Variants in MKLN1 observed in about 807,000 individuals in gnomAD.
MKLN1 encodes muskelin.
MKLN1 carries 18 observed loss-of-function variants against 99.0 expected under a neutral mutation model. The observed-to-expected ratio is 0.18, with a 90% CI of 0.13 to 0.27. MKLN1 has a LOEUF of 0.27. MKLN1 is among the 10% of genes least tolerant of loss of function. The pLI is 1.00. For synonymous variants in MKLN1, 288 were observed against 293.2 expected (o/e 0.98, Z 0.18); for missense variants, 621 against 875.9 (o/e 0.71, Z 3.67).
chr7:131,429,133 C>T lies in MKLN1; in HGVS notation c.948C>T (p.Asp316=). 2 of 1,610,762 alleles carry T rather than the reference C, an allele frequency of 1.2e-6. No individual in the cohort carries two copies. Among genetic ancestry groups the T allele is most frequent in the Non-Finnish European group, 1.7e-6 (2 of 1,177,748 alleles). ...ACCAGTGGACATGTATCTCTAGAGA[C>T]ACTGAAAAAGAGGCAAGTTCTCAGA... is the stretch of plus-strand genomic sequence containing the variant. ...KENQWTCISR[D]TEKENGPSAR... The change falls in exon 9 of 18, where the codon GAC becomes GAT. Residue 316 remains aspartate, a synonymous_variant. Coordinates refer to ENST00000352689, the MANE Select transcript of MKLN1 (RefSeq NM_013255.5).
At chr7:131,359,933 CAT>C (rs1342460868) in intron 1 of MKLN1, among the ~76,000 whole-genome samples, 4 of 151,812 alleles carry the variant, frequency 2.6e-5, no homozygotes, top group Non-Finnish European at 4.4e-5. Context: ...AAAATTAAAA[CAT>C]GTACTTTTTT....
At chr7:131,459,625 TATA>T (rs531461440) in intron 12 of MKLN1, among the ~76,000 whole-genome samples, 22 of 152,322 alleles carry the variant, frequency 1.4e-4, no homozygotes, top group Non-Finnish European at 2.5e-4. Context: ...TTCCTCTGTA[TATA>T]ATAATCTGCT....
At chr7:131,358,552 T>G (rs1799944025) in intron 1 of MKLN1, among the ~76,000 whole-genome samples, 2 of 152,204 alleles carry the variant, frequency 1.3e-5, no homozygotes. Flanking sequence ...GTAGAAAGCA[T>G]TAGGAAGTGT....
intron 2 of MKLN1, among the ~76,000 whole-genome samples, chr7:131,189,695 T>C (rs534608198): frequency 2.0e-5 from 3 of 152,308 alleles, no homozygotes; most frequent in Non-Finnish European, 4.4e-5. Flanking sequence ...ACCATACTTC[T>C]GTAGTAATAG....
At chr7:131,294,176 C>A (rs7808772) in intron 3 of MKLN1, among the ~76,000 whole-genome samples, 23,162 of 152,130 alleles carry the variant, frequency 0.15, 1,787 homozygotes, top group East Asian at 0.24. Context: ...AAATCTGAAT[C>A]TGAACTTAAA....
intron 3 of MKLN1, among the ~76,000 whole-genome samples, chr7:131,247,439 C>T (rs1333135210): frequency 2.0e-5 from 3 of 152,122 alleles, no homozygotes; most frequent in Admixed American, 2.0e-4. Flanking sequence ...TGGTCTCGAA[C>T]TCCTGACCTT....
chr7:131,354,788 A>G (rs1312546166), intron 1 of MKLN1, among the ~76,000 whole-genome samples: 2 of 152,138 alleles, frequency 1.3e-5, no homozygotes, highest in Non-Finnish European at 2.9e-5. Context: ...TGAGGCACAA[A>G]TCTAATTTTA....
At chr7:131,336,790 G>C (rs899797025) in intron 1 of MKLN1, among the ~76,000 whole-genome samples, 1 of 152,074 alleles carries the variant, frequency 6.6e-6, no homozygotes, top group Non-Finnish European at 1.5e-5. Context: ...TAAATCCAGA[G>C]ACTGTTGTTT....
At chr7:131,136,560 G>T (rs1467301848) in intron 1 of MKLN1, among the ~76,000 whole-genome samples, 2 of 152,114 alleles carry the variant, frequency 1.3e-5, no homozygotes, top group African/African-American at 4.8e-5. Context: ...AGCTTCAAAA[G>T]GCACTTTGGT....
At chr7:131,440,185 A>G (rs890040720) in intron 10 of MKLN1, among the ~76,000 whole-genome samples, 2 of 152,180 alleles carry the variant, frequency 1.3e-5, no homozygotes, top group African/African-American at 4.8e-5. Flanking sequence ...TCCAGAGGTG[A>G]TATGTGTCAG....
At chr7:131,342,068 T>C (rs1799423464) in intron 1 of MKLN1, among the ~76,000 whole-genome samples, 1 of 152,224 alleles carries the variant, frequency 6.6e-6, no homozygotes, top group African/African-American at 2.4e-5. Flanking sequence ...CATGGTTTCA[T>C]TTCTTGGGTA....
intron 12 of MKLN1, among the ~76,000 whole-genome samples, chr7:131,458,613 T>C (rs756323421): frequency 1.3e-5 from 2 of 152,182 alleles, no homozygotes; most frequent in Non-Finnish European, 2.9e-5. Flanking sequence ...TTTTCCTGTG[T>C]CATGTATCAG....
chr7:131,185,054 G>A (rs1297227139), intron 2 of MKLN1, among the ~76,000 whole-genome samples: 1 of 152,110 alleles, frequency 6.6e-6, no homozygotes, highest in African/African-American at 2.4e-5. Flanking sequence ...CATACCACCC[G>A]AGAGGAGGAG....
chr7:131,308,257 C>A (rs556250951), intron 3 of MKLN1, among the ~76,000 whole-genome samples: 150 of 149,078 alleles, frequency 1.0e-3, no homozygotes, highest in Non-Finnish European at 1.7e-3. Context: ...CCCAGTCTCA[C>A]GTAGTTTTTT....
intron 2 of MKLN1, among the ~76,000 whole-genome samples, chr7:131,157,672 A>G (rs1045031118): frequency 6.6e-6 from 1 of 152,076 alleles, no homozygotes; most frequent in Non-Finnish European, 1.5e-5. Context: ...CTCTTTTTTC[A>G]TGCAAAAGCT....
intron 3 of MKLN1, among the ~76,000 whole-genome samples, chr7:131,207,070 A>T (rs573576627): frequency 6.6e-6 from 1 of 152,284 alleles, no homozygotes; most frequent in African/African-American, 2.4e-5. Flanking sequence ...GGTTTTGGTG[A>T]ATACAGAAGA....
chr7:131,448,566 T>C (rs183180716), intron 12 of MKLN1, among the ~76,000 whole-genome samples: 54 of 152,350 alleles, frequency 3.5e-4, no homozygotes, highest in African/African-American at 1.2e-3. Flanking sequence ...GTCTAGTCTT[T>C]TTAAAACTTA....
At chr7:131,153,806 G>T (rs534212548) in intron 2 of MKLN1, among the ~76,000 whole-genome samples, 14 of 151,784 alleles carry the variant, frequency 9.2e-5, no homozygotes, top group Admixed American at 3.3e-4. Context: ...AGGATTACAG[G>T]CGTGCACCAC....
intron 3 of MKLN1, among the ~76,000 whole-genome samples, chr7:131,264,271 A>G (rs535703946): frequency 6.6e-6 from 1 of 152,322 alleles, no homozygotes; most frequent in South Asian, 2.1e-4. Context: ...CTCCTCCCCT[A>G]ACTTCAGACA....
Sources: gnomAD v4.1 joint callset for allele counts (sites outside exome capture counted in the v4.1 genomes callset) on GRCh38, gnomAD v4.1.1 for gene constraint, MANE v1.5 for transcripts, NCBI Gene and HGNC (gene_info 2026-07-23, HGNC 2026-07-21) for gene names.